PRPF6: variants seen among roughly 807,000 people sequenced by gnomAD.
PRPF6 encodes the protein pre-mRNA-processing factor 6.
A neutral mutation model predicts 118.3 loss-of-function variants in PRPF6; 42 were observed. The ratio of observed to expected loss-of-function variants is 0.35; its 90% CI spans 0.28 to 0.46. The LOEUF (loss-of-function observed/expected upper bound fraction) is 0.46, where lower values mean the gene tolerates loss of function less well. Ranked by LOEUF, PRPF6 falls within the 20% of genes least tolerant of loss-of-function variation. PRPF6 has a pLI of 1.00. For synonymous variants in PRPF6, 481 were observed against 485.1 expected (o/e 0.99, Z 0.11); for missense variants, 662 against 1,255.7 (o/e 0.53, Z 7.15).
At chr20:64,030,512 C>T (rs2059309959) in intron 19 of PRPF6, among the ~76,000 whole-genome samples, 1 of 152,156 alleles carries the variant, frequency 6.6e-6, no homozygotes, top group South Asian at 2.1e-4. Flanking sequence ...GTAGGGGCAC[C>T]TCCTCTCCCC....
chr20:64,027,754 C>T lies in PRPF6; in HGVS notation c.2339+18C>T. 6.2e-7 allele frequency: 1 copy of T among 1,613,370 alleles called. No individual in the cohort carries two copies. Among genetic ancestry groups the T allele is most frequent in the Non-Finnish European group, 8.5e-7 (1 of 1,179,926 alleles). ...GGGCTGTGGTGAGTCCTGGAGGGGG[C>T]AGCCTGGCCTCTGGGCACAGCTTCC... is the stretch of plus-strand genomic sequence containing the variant. On this transcript the variant is annotated intron_variant, in intron 17 of 20. Coordinates refer to ENST00000266079, the MANE Select transcript of PRPF6 (RefSeq NM_012469.4). This position sits in a 1 kb window ranked among gnomAD's most constrained non-coding sequence, Gnocchi z 6.5.
chr20:64,022,962 T>G (rs948079306), intron 13 of PRPF6, 84 bp downstream of exon 13: 57 of 1,599,438 alleles, frequency 3.6e-5, no homozygotes, highest in Non-Finnish European at 4.5e-5. Context: ...ACCTCTCATG[T>G]CTGCTCATCC....
chr20:63,998,233 T>C (rs938139245), intron 6 of PRPF6, among the ~76,000 whole-genome samples: 1 of 151,844 alleles, frequency 6.6e-6, no homozygotes, highest in Non-Finnish European at 1.5e-5. Context: ...TAGCTGGGAC[T>C]ACAGGCATGT....
intron 2 of PRPF6, 87 bp from the exon 3 acceptor site, chr20:63,984,820 G>T: frequency 1.0e-6 from 1 of 955,378 alleles, no homozygotes; most frequent in Non-Finnish European, 1.7e-6. Flanking sequence ...AATTTAGCAA[G>T]TATTTCACAA....
rs529849438 is a variant in PRPF6, at chr20:64,001,133, C to T, written c.1080C>T (p.Ala360=). 13 of 1,614,158 alleles carry T rather than the reference C, an allele frequency of 8.1e-6. No homozygotes were observed. The South Asian group carries it at 8.8e-5, about 11-fold the overall frequency. Residue 360 remains alanine (A), a synonymous_variant, in exon 9 of 21, where the codon GCC becomes GCT. Transcript: ENST00000266079. ...TGCAGCCTGGGGACACAGCCAAGGC[C>T]GTGGTAGCCCAAGCTGTCCGTCATC... ...ARLQPGDTAK[A]VVAQAVRHLP... is the part of the protein sequence containing the mutation.
chr20:63,984,687 A>T (rs2059085878), intron 2 of PRPF6, among the ~76,000 whole-genome samples: 1 of 152,116 alleles, frequency 6.6e-6, no homozygotes, highest in South Asian at 2.1e-4. Context: ...GCATTTCGTC[A>T]TGTCTCCTTG....
In PRPF6 at chr20:64,027,788, T is replaced by C; in HGVS notation, c.2339+52T>C. 6.2e-7 allele frequency: 1 copy of C among 1,610,532 alleles called. No homozygotes were observed. Among genetic ancestry groups the C allele is most frequent in the Non-Finnish European group, 8.5e-7 (1 of 1,178,602 alleles). On this transcript the variant is annotated intron_variant, in intron 17 of 20. Coordinates refer to ENST00000266079, the MANE Select transcript of PRPF6 (RefSeq NM_012469.4). This position sits in a 1 kb window ranked among gnomAD's most constrained non-coding sequence, Gnocchi z 6.5. ...CTCTGGGCACAGCTTCCCCATCAGG[T>C]GGGCCGCCGTCACCCAGCTGCTTGT...
chr20:64,000,217 G>A (rs112790215), intron 8 of PRPF6, among the ~76,000 whole-genome samples: 12,880 of 152,170 alleles, frequency 0.085, 747 homozygotes, highest in South Asian at 0.22. Context: ...GGCCAGTCAC[G>A]GTGGCTCACG....
chr20:63,994,880 A>G (rs1444292656), intron 4 of PRPF6, 36 bp from the exon 5 acceptor site: 1 of 1,613,760 alleles, frequency 6.2e-7, no homozygotes, highest in Non-Finnish European at 8.5e-7. Flanking sequence ...AAATTCTGTC[A>G]GAGAATTAAT....
intron 12 of PRPF6, among the ~76,000 whole-genome samples, chr20:64,020,783 T>TA (rs1044410660): frequency 7.6e-6 from 1 of 131,458 alleles, no homozygotes; most frequent in African/African-American, 2.9e-5. Flanking sequence ...ATACTATACC[T>TA]AATTTTTTTT....
intron 12 of PRPF6, among the ~76,000 whole-genome samples, chr20:64,022,073 C>T (rs879866004): frequency 6.6e-6 from 1 of 152,186 alleles, no homozygotes; most frequent in Admixed American, 6.5e-5. Flanking sequence ...GTGTGCACAC[C>T]TCCATCACCT....
chr20:64,026,842 C>G lies in PRPF6; in HGVS notation c.2029-140C>G. On this transcript the variant is annotated intron_variant, in intron 15 of 20. Coordinates refer to ENST00000266079, the MANE Select transcript of PRPF6 (RefSeq NM_012469.4). The surrounding 1 kb of genome is among the most constrained non-coding windows in gnomAD (Gnocchi z 4.4). ...AACAAAAACATATATTTATCCCCAC[C>G]TTTTGTGTACACAAACAGGCTATGA... The G allele has an allele frequency of 1.1e-6, 1 of 875,658 alleles. No homozygotes were observed. Among genetic ancestry groups the G allele is most frequent in the South Asian group, 1.5e-5 (1 of 67,270 alleles). 54.2% of individuals were successfully genotyped at this position (875,658 alleles called of 1,614,324 possible).
chr20:63,990,843 C>T lies in PRPF6; in HGVS notation c.360-2564C>T, dbSNP rs145404865. 4.4e-3 allele frequency among the ~76,000 whole-genome samples: 669 copies of T among 152,000 alleles called. 6 individuals are homozygous for T. The highest frequency in any genetic ancestry group is 0.015 in the African/African-American group (636 of 41,482). On this transcript the variant is annotated intron_variant, in intron 3 of 20. Transcript: ENST00000266079. ...TAGAGATGGGTATTTTTAGTAGAGA[C>T]GGGGTTTCACCAATGTTAGCCAGGC...
At chr20:63,995,204 C>A in intron 5 of PRPF6, 112 bp downstream of exon 5, 1 of 1,579,046 alleles carries the variant, frequency 6.3e-7, no homozygotes, top group Non-Finnish European at 8.7e-7. Flanking sequence ...TATGCTGTGG[C>A]CGAGTCTGTC....
intron 3 of PRPF6, among the ~76,000 whole-genome samples, chr20:63,991,790 GA>G (rs879334225): frequency 0.021 from 2,929 of 137,702 alleles, 93 homozygotes; most frequent in African/African-American, 0.072. Context: ...CTGTCTCAAA[GA>G]AAAAAAAAAA....
intron 9 of PRPF6, among the ~76,000 whole-genome samples, chr20:64,006,974 A>G (rs1038676602): frequency 6.6e-6 from 1 of 152,218 alleles, no homozygotes; most frequent in Non-Finnish European, 1.5e-5. Context: ...GCTGTGCAGA[A>G]CCATGCGTAA....
At position 63,999,533 on chromosome 20, in the gene PRPF6, C is replaced by A. The variant is rs149112488; in HGVS notation, c.867-70C>A. 786 of 1,586,994 alleles carry A rather than the reference C, an allele frequency of 5.0e-4. 4 individuals carry two copies. The African/African-American group carries it at 9.2e-3, about 19-fold the overall frequency. Reference sequence around the variant, plus strand: ...TTACATTGTGACTGTGAAGTGGGTGCCCTCATCCCAGGTCTCGGGTGCACC... The same window carrying A: ...TTACATTGTGACTGTGAAGTGGGTGACCTCATCCCAGGTCTCGGGTGCACC... On this transcript the variant is annotated intron_variant, in intron 7 of 20. Coordinates refer to ENST00000266079, the MANE Select transcript of PRPF6 (RefSeq NM_012469.4).
chr20:63,999,883 G>A, intron 8 of PRPF6, 124 bp downstream of exon 8: 4 of 1,257,698 alleles, frequency 3.2e-6, no homozygotes, highest in Admixed American at 2.2e-5. Flanking sequence ...AGGGCAGGCT[G>A]GGGGAGGATG....
chr20:63,995,541 G>A (rs1056854381), intron 6 of PRPF6, 59 bp downstream of exon 6: 5 of 1,601,156 alleles, frequency 3.1e-6, no homozygotes, highest in Admixed American at 3.4e-5. Context: ...ATTTTGTTTT[G>A]TTTTCTTTTT....
Sources: gnomAD v4.1 joint callset for allele counts (sites outside exome capture counted in the v4.1 genomes callset) on GRCh38, gnomAD v4.1.1 for gene constraint, Gnocchi (gnomAD v3.1) non-coding constraint, MANE v1.5 for transcripts, NCBI Gene and HGNC (gene_info 2026-07-23, HGNC 2026-07-21) for gene names.